GPAM: variants seen among roughly 807,000 people sequenced by gnomAD.
GPAM encodes the protein glycerol-3-phosphate acyltransferase 1, mitochondrial.
In GPAM, 56 loss-of-function variants were observed where a neutral mutation model predicts 105.0. The observed-to-expected ratio is 0.53, with a 90% CI of 0.43 to 0.67. The LOEUF (loss-of-function observed/expected upper bound fraction) is 0.67. GPAM is among the 30% of genes least tolerant of loss of function. GPAM has a pLI of 0.00. For missense variants in GPAM, 855 were observed against 989.8 expected, an observed-to-expected ratio of 0.86 and a Z score of 1.83; for synonymous variants, 368 against 354.4, an observed-to-expected ratio of 1.04 and a Z score of -0.43.
chr10:112,181,471 T>C (rs1305329599), intron 3 of GPAM, among the ~76,000 whole-genome samples: 1 of 152,206 alleles, frequency 6.6e-6, no homozygotes, highest in Non-Finnish European at 1.5e-5. Context: ...TATTTTGTTT[T>C]CTAACATAAT....
chr10:112,190,630 C>T (rs1439656541), intron 1 of GPAM, among the ~76,000 whole-genome samples: 1 of 151,982 alleles, frequency 6.6e-6, no homozygotes, highest in Admixed American at 6.5e-5. Flanking sequence ...CATCAGGAAA[C>T]AATCAATAGA....
At chr10:112,164,394 G>A in intron 13 of GPAM, 131 bp downstream of exon 13, 1 of 680,288 alleles carries the variant, frequency 1.5e-6, no homozygotes, top group Admixed American at 2.2e-5. Context: ...TCCCTTATTG[G>A]ACTAAGAGAA....
chr10:112,217,786 A>C (rs1450009430), upstream of GPAM, among the ~76,000 whole-genome samples: 1 of 152,204 alleles, frequency 6.6e-6, no homozygotes, highest in Non-Finnish European at 1.5e-5. Context: ...TAACTTGCCA[A>C]AATCTACCCA....
At chr10:112,181,939 C>G (rs183298558) in intron 2 of GPAM, 126 bp from the exon 3 acceptor site, 514 of 635,212 alleles carry the variant, frequency 8.1e-4, no homozygotes, top group Non-Finnish European at 1.1e-3. Context: ...AGACTTCTAC[C>G]ATGTTGAGTC....
At chr10:112,226,829 G>C in the GPAM span, among the ~76,000 whole-genome samples, 3 of 152,144 alleles carry the variant, frequency 2.0e-5, no homozygotes, top group Non-Finnish European at 2.9e-5. Flanking sequence ...CAGAGGCCAC[G>C]AGGGGTTTTA....
rs571995510 is a variant in GPAM, at chr10:112,159,891, A to G, written c.1902+20T>C. 3 of 1,612,816 alleles carry G rather than the reference A, an allele frequency of 1.9e-6. No homozygotes were observed. The African/African-American group carries it at 4.0e-5, about 21-fold the overall frequency. ...CGCTCAAGAAAAGAGACCAGGCAAC[A>G]CTGAAGGGTCTTCACTCACCAGTGA... On this transcript the variant is annotated intron_variant, in intron 17 of 21. Transcript: ENST00000348367.
chr10:112,212,233 A>T (rs946054307), intron 1 of GPAM, among the ~76,000 whole-genome samples: 1 of 152,140 alleles, frequency 6.6e-6, no homozygotes, highest in African/African-American at 2.4e-5. Flanking sequence ...CAGGAATATT[A>T]TTAGGTTGGT....
At chr10:112,159,216 CTTT>C (rs35513817) in intron 17 of GPAM, among the ~76,000 whole-genome samples, 1 of 86,984 alleles carries the variant, frequency 1.1e-5, no homozygotes, top group Admixed American at 1.4e-4. Flanking sequence ...AGATGATTTT[CTTT>C]TTTTTTTTTT....
At chr10:112,169,146 G>A (rs987192246) in intron 9 of GPAM, among the ~76,000 whole-genome samples, 194 bp from the exon 10 acceptor site, 17 of 152,136 alleles carry the variant, frequency 1.1e-4, no homozygotes, top group African/African-American at 3.4e-4. Flanking sequence ...TTGTTCATCA[G>A]TCTTTGGGAT....
chr10:112,163,213 C>T (rs1847153287), intron 14 of GPAM, among the ~76,000 whole-genome samples: 1 of 152,184 alleles, frequency 6.6e-6, no homozygotes, highest in African/African-American at 2.4e-5. Context: ...GTATAACCAT[C>T]CCACTGACAA....
intron 9 of GPAM, among the ~76,000 whole-genome samples, chr10:112,170,214 G>A (rs1012952494): frequency 6.6e-6 from 1 of 152,158 alleles, no homozygotes; most frequent in Non-Finnish European, 1.5e-5. Flanking sequence ...TAAATAGAAG[G>A]AGGCCACAGT....
chr10:112,214,977 T>C (rs1228554697), intron 1 of GPAM, among the ~76,000 whole-genome samples: 4 of 152,232 alleles, frequency 2.6e-5, no homozygotes, highest in African/African-American at 9.6e-5. Flanking sequence ...CAAATAACTA[T>C]GCCCAAGCAC....
Position 112,180,501 on chromosome 10 carries a change from C to T in GPAM, c.197G>A (p.Cys66Tyr). 6.2e-7 allele frequency: 1 copy of T among 1,613,730 alleles called. No individual in the cohort carries two copies. Among genetic ancestry groups the T allele is most frequent in the Non-Finnish European group, 8.5e-7 (1 of 1,179,634 alleles). ...GCTCTGGGGAGTGCAGGAGTAACAA[C>T]ATCTTCCAACAAATGGCCTTTTCCG... ...MSRKRPFVGR[C>Y]CYSCTPQSWD... is the part of the protein sequence containing the mutation. Residue 66 changes from cysteine to tyrosine, a missense_variant, in exon 4 of 22, where the codon TGT becomes TAT. Transcript: ENST00000348367.
Position 112,172,187 on chromosome 10 carries a change from G to A in GPAM, c.789C>T (p.Ile263=), listed in dbSNP as rs141210498. 2.2e-3 allele frequency: 3,589 copies of A among 1,606,242 alleles called. 5 individuals carry two copies. The highest frequency in any genetic ancestry group is 9.4e-3 in the Middle Eastern group (57 of 6,038). The change falls in exon 9 of 22, where the codon ATC becomes ATT. Residue 263 remains isoleucine, a synonymous_variant. Transcript: ENST00000348367. ...IASGNNLNIP[I]FSTLIHKLGG... is the part of the protein sequence containing the mutation. Reference sequence around the variant, plus strand: ...CCAAAATAAGCTCATCTTACCTGAAGATTGGGATGTTGAGATTATTGCCTG... The same window carrying A: ...CCAAAATAAGCTCATCTTACCTGAAAATTGGGATGTTGAGATTATTGCCTG...
chr10:112,172,100 T>C (rs961548864), intron 9 of GPAM, 82 bp downstream of exon 9: 6 of 1,006,314 alleles, frequency 6.0e-6, no homozygotes, highest in Admixed American at 3.5e-5. Context: ...TACAATAACA[T>C]ATCGAAAGCT....
At chr10:112,227,229 G>A in the GPAM span, among the ~76,000 whole-genome samples, 1 of 152,284 alleles carries the variant, frequency 6.6e-6, no homozygotes, top group South Asian at 2.1e-4. Flanking sequence ...TGTGGACCCT[G>A]TCCTGATACC....
the GPAM span, among the ~76,000 whole-genome samples, chr10:112,221,469 C>A: frequency 6.6e-6 from 1 of 152,140 alleles, no homozygotes; most frequent in Non-Finnish European, 1.5e-5. Flanking sequence ...ACCCCAGAAG[C>A]CCTGGGGACA....
At chr10:112,216,847 C>T (rs1441744603), upstream of GPAM, among the ~76,000 whole-genome samples, 3 of 151,816 alleles carry the variant, frequency 2.0e-5, no homozygotes, top group Non-Finnish European at 2.9e-5. Context: ...TGGTCTCGAA[C>T]TTCTGACCTC....
At chr10:112,222,126 G>T in the GPAM span, among the ~76,000 whole-genome samples, 2 of 152,128 alleles carry the variant, frequency 1.3e-5, no homozygotes, top group African/African-American at 4.8e-5. Context: ...TTGAAGTTGG[G>T]TGATGAGTTA....
Sources: gnomAD v4.1 joint callset for allele counts (sites outside exome capture counted in the v4.1 genomes callset) on GRCh38, gnomAD v4.1.1 for gene constraint, MANE v1.5 for transcripts, NCBI Gene and HGNC (gene_info 2026-07-23, HGNC 2026-07-21) for gene names.